CLUL1: variants seen among roughly 807,000 people sequenced by gnomAD.
CLUL1 encodes clusterin-like protein 1.
CLUL1 carries 43 observed loss-of-function variants against 49.4 expected under a neutral mutation model. The ratio of observed to expected loss-of-function variants is 0.87; its 90% confidence interval spans 0.68 to 1.12. The LOEUF (loss-of-function observed/expected upper bound fraction) is 1.12, where lower values mean the gene tolerates loss of function less well. CLUL1 is among the 50% of genes most tolerant of loss of function. The probability of loss-of-function intolerance (pLI) is 0.00; values close to 1 mark genes in which losing one functional copy is unlikely to be tolerated. For synonymous variants in CLUL1, 192 were observed against 184.9 expected, an observed-to-expected ratio of 1.04 and a Z score of -0.31; for missense variants, 486 against 544.4, an observed-to-expected ratio of 0.89 and a Z score of 1.07.
chr18:603,105 T>A (rs548601282), intron 1 of CLUL1, among the ~76,000 whole-genome samples: 17 of 152,196 alleles, frequency 1.1e-4, no homozygotes, highest in Non-Finnish European at 2.4e-4. Context: ...AGTATGGGTA[T>A]ACCATGAAAG....
At position 606,019 on chromosome 18, in the gene CLUL1, CG is replaced by C. The variant is rs1331898475; in HGVS notation, c.-135-958del. Among the ~76,000 whole-genome samples, 4 of 151,338 alleles carry C rather than the reference CG, an allele frequency of 2.6e-5. No individual in the cohort carries two copies. ...TATTCTATGTTTTAATGAATTTACACGTTACCCAAATGTTCCCTAGTTTTTC... is the reference window on the plus strand; with the variant it reads ...TATTCTATGTTTTAATGAATTTACACTTACCCAAATGTTCCCTAGTTTTTC... On this transcript the variant is annotated intron_variant, in intron 1 of 9. Transcript: ENST00000692774. The surrounding 1 kb of genome is among the most constrained non-coding windows in gnomAD (Gnocchi z 4.1).
intron 4 of CLUL1, among the ~76,000 whole-genome samples, chr18:624,568 A>C (rs2073617140): frequency 6.6e-6 from 1 of 152,188 alleles, no homozygotes; most frequent in Non-Finnish European, 1.5e-5. Flanking sequence ...TGGCATCTTC[A>C]TTGTCAGGTC....
At chr18:636,332 G>A (rs538463502) in intron 7 of CLUL1, among the ~76,000 whole-genome samples, 10 of 152,040 alleles carry the variant, frequency 6.6e-5, no homozygotes, top group East Asian at 1.9e-4. Flanking sequence ...ATTATTAGAC[G>A]TCTTTAAAAT....
intron 7 of CLUL1, among the ~76,000 whole-genome samples, chr18:634,224 G>A (rs1187091194): frequency 6.6e-6 from 1 of 152,102 alleles, no homozygotes; most frequent in East Asian, 1.9e-4. Flanking sequence ...CCACCTCTCG[G>A]GTTCAAGCAA....
intron 2 of CLUL1, among the ~76,000 whole-genome samples, chr18:617,400 G>A (rs1190625871): frequency 1.3e-5 from 2 of 152,138 alleles, no homozygotes. Context: ...TTCGAGACCA[G>A]CCTGACCCAC....
intron 5 of CLUL1, among the ~76,000 whole-genome samples, chr18:626,501 G>A (rs1390508988): frequency 6.6e-6 from 1 of 151,982 alleles, no homozygotes; most frequent in East Asian, 1.9e-4. Context: ...CCTCATACTA[G>A]CTTGCCCAGA....
At chr18:621,475 T>G (rs937845381) in intron 4 of CLUL1, among the ~76,000 whole-genome samples, 5 of 152,314 alleles carry the variant, frequency 3.3e-5, no homozygotes, top group African/African-American at 1.2e-4. Flanking sequence ...CTGCAAACCC[T>G]TCTCCCTTTT....
chr18:629,271 G>A (rs546950422), intron 6 of CLUL1, among the ~76,000 whole-genome samples: 40 of 152,158 alleles, frequency 2.6e-4, no homozygotes, highest in Non-Finnish European at 5.3e-4. Context: ...ATAAACACCA[G>A]GCGAGTAGAC....
chr18:646,497 G>GAT (rs1313337879), intron 9 of CLUL1, among the ~76,000 whole-genome samples: 164 of 141,364 alleles, frequency 1.2e-3, no homozygotes, highest in African/African-American at 4.2e-3. Context: ...CAGATAGATA[G>GAT]ACACACACAC....
chr18:604,461 A>G (rs559182286), intron 1 of CLUL1, among the ~76,000 whole-genome samples: 3 of 152,244 alleles, frequency 2.0e-5, no homozygotes. Flanking sequence ...GAAGAGTGGC[A>G]TAAGTAGTAA....
At chr18:626,758 G>A (rs2073719614) in intron 5 of CLUL1, among the ~76,000 whole-genome samples, 1 of 149,710 alleles carries the variant, frequency 6.7e-6, no homozygotes, top group South Asian at 2.1e-4. Context: ...CTACTCGGAA[G>A]GCTGAGACAG....
Position 603,658 on chromosome 18 carries a change from G to A in CLUL1, c.-135-3320G>A, listed in dbSNP as rs193019858. Among the ~76,000 whole-genome samples, 19 of 152,084 alleles carry A rather than the reference G, an allele frequency of 1.2e-4. No individual in the cohort carries two copies. In the Middle Eastern group the frequency reaches 0.01, roughly 82 times the overall value. On this transcript the variant is annotated intron_variant, in intron 1 of 9. Coordinates refer to ENST00000692774, the MANE Select transcript of CLUL1 (RefSeq NM_001393344.1). ...ATTTCACCAGTTATTAGATGCACTCGTGTGTGTGTATGCATATAGCTCTGT... is the reference window on the plus strand; with the variant it reads ...ATTTCACCAGTTATTAGATGCACTCATGTGTGTGTATGCATATAGCTCTGT...
intron 9 of CLUL1, among the ~76,000 whole-genome samples, chr18:649,060 TTTG>T (rs1189397945): frequency 1.3e-5 from 2 of 152,210 alleles, no homozygotes; most frequent in African/African-American, 4.8e-5. Context: ...ATTTTCCAAG[TTTG>T]TTTACTGACT....
In CLUL1 at chr18:616,724, G is replaced by A. The variant is rs1051529424; in HGVS notation, c.-13-1264G>A. On this transcript the variant is annotated intron_variant, in intron 2 of 9. Transcript: ENST00000692774. ...GAGAAAAACGAAGGTCCTTCCAGAA[G>A]CTGGTGGCAACTTCACTGGGGAGAT... is the stretch of plus-strand genomic sequence containing the variant. 6 of 984,058 alleles carry A rather than the reference G, an allele frequency of 6.1e-6. No individual in the cohort carries two copies. In the South Asian group the frequency reaches 1.9e-4, roughly 31 times the overall value. The allele number at this position is 984,058 out of a possible 1,614,324, so 61.0% of individuals were successfully genotyped here.
chr18:609,082 G>A (rs1476345243), intron 2 of CLUL1, among the ~76,000 whole-genome samples: 1 of 152,112 alleles, frequency 6.6e-6, no homozygotes, highest in Non-Finnish European at 1.5e-5. Context: ...ATATCTTGGG[G>A]ATAGAACCTA....
At chr18:635,520 A>G (rs1567973260) in intron 7 of CLUL1, among the ~76,000 whole-genome samples, 1 of 152,080 alleles carries the variant, frequency 6.6e-6, no homozygotes, top group Non-Finnish European at 1.5e-5. Context: ...ATCAGATTAT[A>G]ATTCTGATTT....
At chr18:608,971 C>T (rs1478194783) in intron 2 of CLUL1, among the ~76,000 whole-genome samples, 1 of 151,990 alleles carries the variant, frequency 6.6e-6, no homozygotes, top group Non-Finnish European at 1.5e-5. Context: ...TTCTTTTTTC[C>T]ATATATAGGC....
At chr18:607,125 T>TTTTA (rs771744778) in intron 2 of CLUL1, 26 bp downstream of exon 2, 32 of 701,028 alleles carry the variant, frequency 4.6e-5, no homozygotes, top group East Asian at 1.3e-4. Flanking sequence ...CCCGTCTATC[T>TTTTA]TTTATTTATT....
intron 4 of CLUL1, among the ~76,000 whole-genome samples, chr18:619,953 A>G (rs1598420498): frequency 6.6e-6 from 1 of 151,964 alleles, no homozygotes; most frequent in Non-Finnish European, 1.5e-5. Context: ...CAAGTGATCC[A>G]CCTGCCTCAG....
Sources: gnomAD v4.1 joint callset for allele counts (sites outside exome capture counted in the v4.1 genomes callset) on GRCh38, gnomAD v4.1.1 for gene constraint, Gnocchi (gnomAD v3.1) non-coding constraint, MANE v1.5 for transcripts, NCBI Gene and HGNC (gene_info 2026-07-23, HGNC 2026-07-21) for gene names.